PAWR: variants seen among roughly 807,000 people sequenced by gnomAD.
The protein encoded by PAWR is PRKC apoptosis WT1 regulator protein.
PAWR carries 23 observed loss-of-function variants against 32.0 expected under a neutral mutation model. The observed-to-expected ratio is 0.72, with a 90% CI of 0.52 to 1.02. The LOEUF (loss-of-function observed/expected upper bound fraction) is 1.02, where lower values mean the gene tolerates loss of function less well. Ranked by LOEUF, PAWR falls within the 50% of genes least tolerant of loss-of-function variation. PAWR has a pLI of 0.00. For synonymous variants in PAWR, 226 were observed against 187.1 expected, an observed-to-expected ratio of 1.21 and a Z score of -1.70; for missense variants, 457 against 437.7, an observed-to-expected ratio of 1.04 and a Z score of -0.39.
At chr12:79,654,801 C>T (rs1344422947) in intron 2 of PAWR, among the ~76,000 whole-genome samples, 2 of 152,092 alleles carry the variant, frequency 1.3e-5, no homozygotes, top group African/African-American at 4.8e-5. Context: ...ATCACGAGAA[C>T]AACACGGAGG....
At chr12:79,650,337 T>C (rs1369753687) in intron 2 of PAWR, among the ~76,000 whole-genome samples, 1 of 152,232 alleles carries the variant, frequency 6.6e-6, no homozygotes, top group Non-Finnish European at 1.5e-5. Flanking sequence ...ATTGACACTG[T>C]ACCTTGTTAT....
rs1763872662 is a variant in PAWR, at chr12:79,588,646, T to C, written c.*3961A>G. On this transcript the variant is annotated 3_prime_UTR_variant, in exon 7 of 7. Coordinates refer to ENST00000328827, the MANE Select transcript of PAWR (RefSeq NM_002583.4). ...ACTATATAGATCGTACACTACTAGATGGAAAGTTGGTCCATGTCCATTTAT... is the reference window on the plus strand; with the variant it reads ...ACTATATAGATCGTACACTACTAGACGGAAAGTTGGTCCATGTCCATTTAT... 6.6e-6 allele frequency: 1 copy of C among 151,970 alleles called. No homozygotes were observed. The highest frequency in any genetic ancestry group is 1.5e-5 in the Non-Finnish European group (1 of 67,880). The allele number at this position is 151,970 out of a possible 1,614,324, so 9.4% of individuals were successfully genotyped here. A position where few individuals can be genotyped will look rare whatever the true frequency, so the allele number is the denominator to read the frequency against.
chr12:79,619,073 T>C (rs1440918637), intron 3 of PAWR, among the ~76,000 whole-genome samples: 1 of 151,764 alleles, frequency 6.6e-6, no homozygotes, highest in Non-Finnish European at 1.5e-5. Flanking sequence ...AGTATTTTAA[T>C]TAATAAATTA....
intron 2 of PAWR, among the ~76,000 whole-genome samples, chr12:79,641,407 C>G (rs561884983): frequency 1.3e-5 from 2 of 152,138 alleles, no homozygotes; most frequent in Non-Finnish European, 2.9e-5. Context: ...GATATGAACT[C>G]AAGACATTCT....
chr12:79,624,367 A>G (rs1875176664), intron 2 of PAWR, among the ~76,000 whole-genome samples: 1 of 152,178 alleles, frequency 6.6e-6, no homozygotes, highest in Non-Finnish European at 1.5e-5. Context: ...ATGTTTCATA[A>G]AACAATGAAT....
chr12:79,640,973 T>C (rs1029095176), intron 2 of PAWR, among the ~76,000 whole-genome samples: 11 of 152,198 alleles, frequency 7.2e-5, no homozygotes, highest in Non-Finnish European at 1.3e-4. Context: ...TCTGTTACAT[T>C]GGCGGTGGTT....
chr12:79,604,299 A>G (rs959576854), intron 4 of PAWR: 1 of 997,072 alleles, frequency 1.0e-6, no homozygotes. Flanking sequence ...AGGGAAAAGA[A>G]ACAGTATCAT....
intron 2 of PAWR, among the ~76,000 whole-genome samples, chr12:79,688,771 G>A (rs1878813459): frequency 6.6e-6 from 1 of 152,116 alleles, no homozygotes; most frequent in Non-Finnish European, 1.5e-5. Context: ...GCCAGGAGAA[G>A]AAAAAGTGAA....
intron 2 of PAWR, among the ~76,000 whole-genome samples, chr12:79,634,668 A>C (rs1875874332): frequency 6.6e-6 from 1 of 151,826 alleles, no homozygotes; most frequent in Non-Finnish European, 1.5e-5. Flanking sequence ...AAGAAAAAGA[A>C]CAGAATAGAC....
At chr12:79,656,388 G>T (rs1284802816) in intron 2 of PAWR, among the ~76,000 whole-genome samples, 1 of 152,184 alleles carries the variant, frequency 6.6e-6, no homozygotes, top group Non-Finnish European at 1.5e-5. Flanking sequence ...AGATGAATCT[G>T]AGCAATATCT....
intron 2 of PAWR, among the ~76,000 whole-genome samples, chr12:79,632,351 ATATATATATATTT>A (rs1875736825): frequency 5.4e-4 from 13 of 23,932 alleles, no homozygotes; most frequent in Non-Finnish European, 7.1e-4. Context: ...ATATATATAT[ATATATATATATTT>A]TTTTTTTTTT....
At chr12:79,613,931 TTA>T (rs71445219) in intron 3 of PAWR, among the ~76,000 whole-genome samples, 316 of 46,724 alleles carry the variant, frequency 6.8e-3, no homozygotes, top group Middle Eastern at 0.015. Flanking sequence ...AGTACCACCA[TTA>T]TATATATATA....
chr12:79,638,863 CATATAT>C (rs1555237600), intron 2 of PAWR, among the ~76,000 whole-genome samples: 281 of 8,148 alleles, frequency 0.034, 9 homozygotes, highest in Middle Eastern at 0.083. Flanking sequence ...GAGATGGAGT[CATATAT>C]ATATATATAT....
chr12:79,613,519 GT>G, intron 4 of PAWR, 55 bp downstream of exon 4: 1 of 922,966 alleles, frequency 1.1e-6, no homozygotes, highest in African/African-American at 1.6e-5. Flanking sequence ...TTAAGTCAAT[GT>G]CAGACAGACA....
intron 2 of PAWR, among the ~76,000 whole-genome samples, chr12:79,626,833 T>C (rs888243866): frequency 1.8e-4 from 28 of 151,966 alleles, no homozygotes; most frequent in African/African-American, 6.8e-4. Flanking sequence ...AGTGGGAACA[T>C]GCGGTGTTTG....
intron 2 of PAWR, among the ~76,000 whole-genome samples, chr12:79,664,070 A>G (rs965437578): frequency 6.6e-6 from 1 of 152,224 alleles, no homozygotes; most frequent in African/African-American, 2.4e-5. Flanking sequence ...CATTCCAAAC[A>G]GAAATTTGCC....
At chr12:79,668,153 T>A (rs1877702846) in intron 2 of PAWR, 1 of 152,264 alleles carries the variant, frequency 6.6e-6, no homozygotes, top group African/African-American at 2.4e-5. Context: ...TCTGCCCACC[T>A]CAGCCTCCCA....
At position 79,689,827 on chromosome 12, in the gene PAWR, A is replaced by G. The variant is rs1424770824; in HGVS notation, c.418T>C (p.Ser140Pro). 2 of 1,592,240 alleles carry G rather than the reference A, an allele frequency of 1.3e-6. No individual in the cohort carries two copies. Among genetic ancestry groups the G allele is most frequent in the Admixed American group, 1.7e-5 (1 of 58,044 alleles). ...PDGVPEKGKS[S>P]GPSARKGKGQ... ...TTGCCTTTCCTGGCACTGGGGCCCG[A>G]GCTCTTGCCCTTCTCTGGGACGCCG... Residue 140 changes from serine to proline, a missense_variant, in exon 2 of 7, where the codon TCG becomes CCG. By Grantham distance (74) the Ser-to-Pro change is moderately conservative (BLOSUM62 -1). Transcript: ENST00000328827.
rs867821702 is a variant in PAWR, at chr12:79,585,825, C to T, written c.*6782G>A. ...TCCCAGGCTCAAGCAATCCTTCCCCCTCAGCCTACCAAGCAGCTGGGACTA... is the reference window on the plus strand; with the variant it reads ...TCCCAGGCTCAAGCAATCCTTCCCCTTCAGCCTACCAAGCAGCTGGGACTA... On this transcript the variant is annotated 3_prime_UTR_variant, in exon 7 of 7. Transcript: ENST00000328827. 1 of 152,506 alleles carries T rather than the reference C, an allele frequency of 6.6e-6. No individual in the cohort carries two copies. The highest frequency in any genetic ancestry group is 6.5e-5 in the Admixed American group (1 of 15,276). 9.4% of individuals were successfully genotyped at this position (152,506 alleles called of 1,614,324 possible).
Sources: gnomAD v4.1 joint callset for allele counts (sites outside exome capture counted in the v4.1 genomes callset) on GRCh38, gnomAD v4.1.1 for gene constraint, MANE v1.5 for transcripts, NCBI Gene and HGNC (gene_info 2026-07-23, HGNC 2026-07-21) for gene names.